Variants in ZCCHC2 observed in about 807,000 individuals in gnomAD.
ZCCHC2 encodes the protein zinc finger CCHC domain-containing protein 2.
Under a neutral mutation model 103.6 loss-of-function variants are expected in ZCCHC2, and 39 were observed. The observed-to-expected ratio is 0.38, with a 90% CI of 0.29 to 0.49. The LOEUF is 0.49. Ranked by LOEUF, ZCCHC2 falls within the 20% of genes least tolerant of loss-of-function variation. The pLI is 0.96. For synonymous variants in ZCCHC2, 687 were observed against 608.9 expected (o/e 1.13, Z -1.89); for missense variants, 1,483 against 1,491.0 (o/e 0.99, Z 0.09).
downstream of ZCCHC2, chr18:62,581,827 G>A (rs1917044533): frequency 6.7e-6 from 1 of 148,612 alleles, no homozygotes; most frequent in Non-Finnish European, 1.5e-5. Context: ...CTCCCGAGAT[G>A]GTGTCACAGT....
At chr18:62,570,720 A>G (rs1204460082) in intron 12 of ZCCHC2, among the ~76,000 whole-genome samples, 1 of 152,100 alleles carries the variant, frequency 6.6e-6, no homozygotes, top group Non-Finnish European at 1.5e-5. Context: ...CTTTAAACCT[A>G]TTTGTGTCTT....
intron 5 of ZCCHC2, among the ~76,000 whole-genome samples, chr18:62,552,759 G>A (rs575455194): frequency 1.3e-5 from 2 of 152,120 alleles, no homozygotes; most frequent in East Asian, 3.9e-4. Context: ...GTGTGGTGGT[G>A]CACACCTGTA....
intron 12 of ZCCHC2, among the ~76,000 whole-genome samples, chr18:62,572,532 T>C (rs1481871265): frequency 1.3e-5 from 2 of 152,184 alleles, no homozygotes; most frequent in African/African-American, 4.8e-5. Context: ...AGAGTTTTGA[T>C]CATTTTTAGA....
At position 62,572,176 on chromosome 18, in the gene ZCCHC2, A is replaced by G. The variant is rs940744147; in HGVS notation, c.1976-1881A>G. Among the ~76,000 whole-genome samples, 14 of 152,274 alleles carry G rather than the reference A, an allele frequency of 9.2e-5. No homozygotes were observed. In the East Asian group the frequency reaches 1.7e-3, roughly 19 times the overall value. On this transcript the variant is annotated intron_variant, in intron 12 of 13. Coordinates refer to ENST00000269499, the MANE Select transcript of ZCCHC2 (RefSeq NM_017742.6). ...AGTGATCCTCCTGCCTTGGCCTCCCAAAGTGTTGAGATTATAAGCATGAGC... is the reference window on the plus strand; with the variant it reads ...AGTGATCCTCCTGCCTTGGCCTCCCGAAGTGTTGAGATTATAAGCATGAGC...
Position 62,523,245 on chromosome 18 carries a change from G to T in ZCCHC2, c.-180G>T, listed in dbSNP as rs1341175381. 37 of 397,336 alleles carry T rather than the reference G, an allele frequency of 9.3e-5. No individual in the cohort carries two copies. Among genetic ancestry groups the T allele is most frequent in the Non-Finnish European group, 7.5e-5 (22 of 292,800 alleles). 24.6% of individuals were successfully genotyped at this position (397,336 alleles called of 1,614,324 possible). Reference sequence around the variant, plus strand: ...CCCAGCCCGGGAAGACGACGCCAGCGACCCCGCCGGCCGGCCACCGCCCCC... The same window carrying T: ...CCCAGCCCGGGAAGACGACGCCAGCTACCCCGCCGGCCGGCCACCGCCCCC... On this transcript the variant is annotated 5_prime_UTR_variant, in exon 1 of 14. Transcript: ENST00000269499.
chr18:62,537,505 A>G (rs1914980433), intron 1 of ZCCHC2, among the ~76,000 whole-genome samples: 1 of 152,108 alleles, frequency 6.6e-6, no homozygotes, highest in African/African-American at 2.4e-5. Flanking sequence ...TGACTATTCT[A>G]GGTATCTCAT....
intron 4 of ZCCHC2, among the ~76,000 whole-genome samples, chr18:62,546,728 A>G (rs1296681458): frequency 6.6e-6 from 1 of 152,210 alleles, no homozygotes; most frequent in African/African-American, 2.4e-5. Flanking sequence ...TCCCTCTGGA[A>G]GCTTCAGCTG....
chr18:62,583,809 T>C (rs929968385), intron 14 of ZCCHC2, among the ~76,000 whole-genome samples: 3 of 151,992 alleles, frequency 2.0e-5, no homozygotes, highest in African/African-American at 7.3e-5. Flanking sequence ...TTCTTCTCTT[T>C]AGGGGAGGAG....
chr18:62,566,022 A>C (rs1170947340), intron 11 of ZCCHC2, among the ~76,000 whole-genome samples: 3 of 152,168 alleles, frequency 2.0e-5, no homozygotes, highest in African/African-American at 7.2e-5. Context: ...AGGTGAGTGG[A>C]TCACCTGAGG....
chr18:62,558,812 T>C (rs1418214428), intron 7 of ZCCHC2, 42 bp downstream of exon 7: 3 of 1,307,048 alleles, frequency 2.3e-6, no homozygotes, highest in Non-Finnish European at 3.2e-6. Context: ...TGCCTGCTGA[T>C]AGCACATGGA....
chr18:62,540,155 G>A (rs1362238155), intron 2 of ZCCHC2, among the ~76,000 whole-genome samples: 1 of 152,200 alleles, frequency 6.6e-6, no homozygotes, highest in African/African-American at 2.4e-5. Context: ...TTTTATACAA[G>A]TTCTCTGGAA....
At chr18:62,536,899 T>C (rs886205076) in intron 1 of ZCCHC2, among the ~76,000 whole-genome samples, 2 of 152,230 alleles carry the variant, frequency 1.3e-5, no homozygotes, top group Non-Finnish European at 2.9e-5. Flanking sequence ...AAATGTGATT[T>C]TGATTGTGAA....
At chr18:62,553,849 A>G (rs982677020) in intron 5 of ZCCHC2, among the ~76,000 whole-genome samples, 2 of 152,108 alleles carry the variant, frequency 1.3e-5, no homozygotes, top group African/African-American at 4.8e-5. Flanking sequence ...TATTGGTGTC[A>G]CTGATTGGAA....
intron 5 of ZCCHC2, among the ~76,000 whole-genome samples, chr18:62,553,013 T>C (rs1568548562): frequency 6.6e-6 from 1 of 152,186 alleles, no homozygotes; most frequent in Admixed American, 6.5e-5. Flanking sequence ...GTGTTTTTAC[T>C]GTAAAGATGT....
Position 62,563,150 on chromosome 18 carries a change from TG to T in ZCCHC2, c.1686+10del, listed in dbSNP as rs745569254. 23 of 1,610,920 alleles carry T rather than the reference TG, an allele frequency of 1.4e-5. No homozygotes were observed. In the Admixed American group the frequency reaches 3.3e-4, roughly 23 times the overall value. ...GTGTGACCTCGGCTGACCAGGTGTG[TG>T]GGGAGTTTGTTTTGGAGCTATATAG... On this transcript the variant is annotated splice_region_variant and intron_variant, in intron 9 of 13. Coordinates refer to ENST00000269499, the MANE Select transcript of ZCCHC2 (RefSeq NM_017742.6).
rs758817774 is a variant in ZCCHC2 at position 62,565,026 on chromosome 18, C to T, written c.1776C>T (p.Asn592=). The T allele has an allele frequency of 1.2e-6, 2 of 1,612,996 alleles. No homozygotes were observed. The highest frequency in any genetic ancestry group is 1.3e-5 in the African/African-American group (1 of 74,870). ...GGGAGAAAATTAAGAAAACTGACAA[C>T]AGATTGAATAGTAGAATAAATGGTA... ...TEKEKIKKTD[N]RLNSRINGIR... The change falls in exon 11 of 14, where the codon AAC becomes AAT. Residue 592 remains asparagine, a synonymous_variant. Transcript: ENST00000269499.
At chr18:62,566,047 C>G (rs1415577790) in intron 11 of ZCCHC2, among the ~76,000 whole-genome samples, 5 of 152,128 alleles carry the variant, frequency 3.3e-5, no homozygotes, top group African/African-American at 9.7e-5. Context: ...GAGCTCGAGA[C>G]CAGCCTGACC....
At chr18:62,561,945 A>C (rs965549521) in intron 8 of ZCCHC2, among the ~76,000 whole-genome samples, 7 of 151,348 alleles carry the variant, frequency 4.6e-5, no homozygotes, top group African/African-American at 1.7e-4. Context: ...GTCTTCCAAG[A>C]CTCCAAATCC....
chr18:62,573,291 C>G (rs1916662674), intron 12 of ZCCHC2, among the ~76,000 whole-genome samples: 1 of 152,094 alleles, frequency 6.6e-6, no homozygotes, highest in Admixed American at 6.5e-5. Flanking sequence ...AGATTTTATC[C>G]TTGTCCCCTT....
Sources: gnomAD v4.1 joint callset for allele counts (sites outside exome capture counted in the v4.1 genomes callset) on GRCh38, gnomAD v4.1.1 for gene constraint, MANE v1.5 for transcripts, NCBI Gene and HGNC (gene_info 2026-07-23, HGNC 2026-07-21) for gene names.